Variants in NRG3 observed in about 807,000 individuals in gnomAD.
NRG3 encodes neuregulin 3, also known as pro-neuregulin-3, membrane-bound isoform.
Under a neutral mutation model 66.9 loss-of-function variants are expected in NRG3, and 31 were observed. That is an observed-to-expected ratio of 0.46 (90% confidence interval 0.35 to 0.63). The LOEUF (loss-of-function observed/expected upper bound fraction) is 0.63. Among genes scored for constraint, NRG3 ranks in the 20% least tolerant of loss-of-function variants. The pLI is 0.00. For synonymous variants in NRG3, 393 were observed against 359.4 expected (o/e 1.09, Z -1.06); for missense variants, 910 against 878.9 (o/e 1.04, Z -0.45).
intron 4 of NRG3, among the ~76,000 whole-genome samples, chr10:82,894,341 G>C (rs963878131): frequency 6.6e-6 from 1 of 152,048 alleles, no homozygotes; most frequent in Non-Finnish European, 1.5e-5. Flanking sequence ...AATAAGCCTA[G>C]CATATATTTT....
chr10:81,908,147 T>C (rs1320443732), intron 1 of NRG3, among the ~76,000 whole-genome samples: 1 of 152,174 alleles, frequency 6.6e-6, no homozygotes, highest in Non-Finnish European at 1.5e-5. Flanking sequence ...CTCCAAGTTA[T>C]TTCAATGTTA....
At chr10:82,012,149 TC>T (rs948892228) in intron 1 of NRG3, among the ~76,000 whole-genome samples, 6 of 152,310 alleles carry the variant, frequency 3.9e-5, no homozygotes, top group African/African-American at 1.4e-4. Context: ...AGGTGGAGGT[TC>T]CCAAACCTCA....
At chr10:82,154,255 A>G (rs548073242) in intron 1 of NRG3, among the ~76,000 whole-genome samples, 5 of 152,060 alleles carry the variant, frequency 3.3e-5, no homozygotes, top group South Asian at 2.1e-4. Flanking sequence ...TGTGTATGGT[A>G]TAAGACAAGG....
At chr10:82,181,222 A>G (rs1403273540) in intron 1 of NRG3, among the ~76,000 whole-genome samples, 4 of 147,996 alleles carry the variant, frequency 2.7e-5, no homozygotes, top group East Asian at 3.9e-4. Context: ...TTGGTTTTTT[A>G]TTGTTTCTAT....
intron 1 of NRG3, among the ~76,000 whole-genome samples, chr10:82,033,771 A>G (rs1283890043): frequency 2.0e-5 from 3 of 152,122 alleles, no homozygotes; most frequent in Non-Finnish European, 4.4e-5. Flanking sequence ...CACAGCTCAT[A>G]TCATTACTAA....
chr10:82,066,954 G>A (rs1017301684), intron 1 of NRG3, among the ~76,000 whole-genome samples: 2 of 152,060 alleles, frequency 1.3e-5, no homozygotes, highest in Admixed American at 1.3e-4. Context: ...ACATATATAA[G>A]TAACTTGAGT....
At chr10:82,344,819 G>A (rs975404520) in intron 1 of NRG3, among the ~76,000 whole-genome samples, 1 of 134,146 alleles carries the variant, frequency 7.5e-6, no homozygotes, top group South Asian at 2.2e-4. Context: ...GGCCAGTGAT[G>A]ATGAGCATTT....
Position 82,601,915 on chromosome 10 carries a change from T to C in NRG3, c.954-136662T>C, listed in dbSNP as rs573132435. 2.7e-3 allele frequency among the ~76,000 whole-genome samples: 398 copies of C among 147,130 alleles called. 1 individual carries two copies. The highest frequency in any genetic ancestry group is 9.4e-3 in the African/African-American group (381 of 40,446). On this transcript the variant is annotated intron_variant, in intron 2 of 8. Transcript: ENST00000372141. ...ATATATATATATAACTATATATATA[T>C]AAAACTATATATATATAGTTAACTA...
intron 2 of NRG3, among the ~76,000 whole-genome samples, chr10:82,426,496 G>T (rs927881976): frequency 4.3e-5 from 6 of 140,470 alleles, no homozygotes; most frequent in East Asian, 4.0e-4. Context: ...CTATTTTCAG[G>T]TTTTTTTTTT....
rs143892293 is a variant in NRG3, at chr10:82,033,421, C to T, written c.823+157258C>T. Among the ~76,000 whole-genome samples the T allele has an allele frequency of 1.2e-3, 185 of 152,214 alleles. 3 individuals are homozygous for T. The East Asian group carries it at 0.033, about 28-fold the overall frequency. On this transcript the variant is annotated intron_variant, in intron 1 of 8. Transcript: ENST00000372141. ...CATAAGAAGCCTTCCCTGGTACCTT[C>T]TGTCTGTTTTTAGGTTTCCCTCTAC... is the stretch of plus-strand genomic sequence containing the variant.
At chr10:82,806,231 A>T (rs1354638241) in intron 3 of NRG3, among the ~76,000 whole-genome samples, 1 of 152,186 alleles carries the variant, frequency 6.6e-6, no homozygotes, top group Non-Finnish European at 1.5e-5. Context: ...CATGTGCCTT[A>T]TTGACACTTC....
chr10:82,491,787 G>T (rs938149649), intron 2 of NRG3, among the ~76,000 whole-genome samples: 1 of 152,130 alleles, frequency 6.6e-6, no homozygotes, highest in Non-Finnish European at 1.5e-5. Flanking sequence ...TTACTTATCT[G>T]CCCTCTGGCA....
intron 1 of NRG3, among the ~76,000 whole-genome samples, chr10:82,339,211 T>TA (rs1395831874): frequency 6.6e-6 from 1 of 152,236 alleles, no homozygotes; most frequent in Non-Finnish European, 1.5e-5. Flanking sequence ...TGTGACATTT[T>TA]AGGGGTTAAT....
At position 82,805,082 on chromosome 10, in the gene NRG3, CT is replaced by C. The variant is rs544682781; in HGVS notation, c.1028-60328del. On this transcript the variant is annotated intron_variant, in intron 3 of 8. Coordinates refer to ENST00000372141, the MANE Select transcript of NRG3 (RefSeq NM_001010848.4). ...CAAATGTATTATGCACACAAATCCC[CT>C]GATGAACCTGTGACAAATGAAGGTT... 1.4e-4 allele frequency among the ~76,000 whole-genome samples: 22 copies of C among 152,294 alleles called. No homozygotes were observed. The East Asian group carries it at 4.2e-3, about 29-fold the overall frequency.
At chr10:82,061,872 A>AACAC (rs71007292) in intron 1 of NRG3, among the ~76,000 whole-genome samples, 5,621 of 127,664 alleles carry the variant, frequency 0.044, 352 homozygotes, top group African/African-American at 0.15. Context: ...CACACACACA[A>AACAC]ACACACACAC....
At chr10:81,915,184 T>TA (rs1045586985) in intron 1 of NRG3, among the ~76,000 whole-genome samples, 4 of 152,160 alleles carry the variant, frequency 2.6e-5, no homozygotes, top group African/African-American at 4.8e-5. Flanking sequence ...TGCTCCTCCC[T>TA]AAAAAAAGAT....
intron 2 of NRG3, among the ~76,000 whole-genome samples, chr10:82,405,775 A>T (rs2087475618): frequency 6.6e-6 from 1 of 152,172 alleles, no homozygotes; most frequent in African/African-American, 2.4e-5. Context: ...GCCTGGAGTG[A>T]TCTCATTCTT....
rs1564593552 is a variant in NRG3, at chr10:82,132,496, T to TATATATATG, written c.824-226235_824-226234insGATATATAT. Among the ~76,000 whole-genome samples the TATATATATG allele has an allele frequency of 8.5e-3, 427 of 50,178 alleles. 27 individuals carry two copies. The highest frequency in any genetic ancestry group is 0.036 in the African/African-American group (314 of 8,698). The allele number at this position is 50,178 out of a possible 152,430, so 32.9% of individuals were successfully genotyped here. A position where few individuals can be genotyped will look rare whatever the true frequency, so the allele number is the denominator to read the frequency against. The stretch of plus-strand genomic sequence containing the variant: ...ATATATATGATATATATATATGATA[T>TATATATATG]ATATATATCATATATATATGATATA... On this transcript the variant is annotated intron_variant, in intron 1 of 8. Transcript: ENST00000372141.
chr10:82,385,985 G>C (rs904626634), intron 2 of NRG3, among the ~76,000 whole-genome samples: 3 of 152,020 alleles, frequency 2.0e-5, no homozygotes, highest in Non-Finnish European at 1.5e-5. Context: ...GATAAATATA[G>C]AGTAATGCTA....
Sources: allele counts gnomAD v4.1 joint callset (sites outside exome capture counted in the v4.1 genomes callset), GRCh38; gene constraint gnomAD v4.1.1; transcripts MANE v1.5; gene names NCBI Gene and HGNC (gene_info 2026-07-23, HGNC 2026-07-21).